The following AP3B1 variants were observed in gnomAD, a reference collection of about 807,000 sequenced individuals.
AP3B1 encodes AP-3 complex subunit beta-1.
In AP3B1, 61 loss-of-function variants were observed where a neutral mutation model predicts 132.5. The observed-to-expected ratio is 0.46, with a 90% CI of 0.37 to 0.57. The LOEUF (loss-of-function observed/expected upper bound fraction) is 0.57, where lower values mean the gene tolerates loss of function less well. Ranked by LOEUF, AP3B1 falls within the 20% of genes least tolerant of loss-of-function variation. The pLI, the probability that AP3B1 is intolerant of heterozygous loss-of-function variation, is 0.00. For synonymous variants in AP3B1, 388 were observed against 438.3 expected, an observed-to-expected ratio of 0.89 and a Z score of 1.43; for missense variants, 1,120 against 1,289.4, an observed-to-expected ratio of 0.87 and a Z score of 2.01.
intron 17 of AP3B1, among the ~76,000 whole-genome samples, chr5:78,120,639 C>G (rs1392273558): frequency 6.6e-6 from 1 of 151,864 alleles, no homozygotes; most frequent in East Asian, 1.9e-4. Flanking sequence ...ACAAGAAGAG[C>G]TAACTATCCT....
intron 6 of AP3B1, among the ~76,000 whole-genome samples, chr5:78,219,412 G>T (rs1265653668): frequency 1.3e-5 from 2 of 152,016 alleles, no homozygotes; most frequent in East Asian, 1.9e-4. Context: ...ATTAGAAAAG[G>T]CTTGTAGTAA....
chr5:78,265,794 C>T (rs1308524756), intron 2 of AP3B1, among the ~76,000 whole-genome samples: 5 of 152,312 alleles, frequency 3.3e-5, no homozygotes, highest in Non-Finnish European at 7.3e-5. Context: ...CTCTTAAAAA[C>T]GTGTAATGTC....
intron 7 of AP3B1, among the ~76,000 whole-genome samples, chr5:78,213,893 C>T (rs1451468393): frequency 1.3e-5 from 2 of 152,154 alleles, no homozygotes; most frequent in Non-Finnish European, 2.9e-5. Flanking sequence ...GCCAATGGAT[C>T]TTTCTCAAAG....
At chr5:78,230,005 A>C (rs1746576460) in intron 3 of AP3B1, among the ~76,000 whole-genome samples, 1 of 152,060 alleles carries the variant, frequency 6.6e-6, no homozygotes, top group East Asian at 1.9e-4. Context: ...AACTCACTCC[A>C]ATTTTTTTCA....
chr5:78,243,671 C>T (rs1186145870), intron 2 of AP3B1, among the ~76,000 whole-genome samples: 6 of 152,086 alleles, frequency 3.9e-5, no homozygotes. Flanking sequence ...TCAGAAAAGG[C>T]CTTCCTTTTG....
chr5:78,091,167 G>A (rs394902), intron 21 of AP3B1, among the ~76,000 whole-genome samples: 26,050 of 149,694 alleles, frequency 0.17, 2,839 homozygotes, highest in Admixed American at 0.28. Context: ...ATATTAATCC[G>A]TAAAGTTAAC....
intron 1 of AP3B1, among the ~76,000 whole-genome samples, chr5:78,294,091 A>G (rs1429647387): frequency 1.3e-5 from 2 of 152,184 alleles, no homozygotes; most frequent in Non-Finnish European, 2.9e-5. Flanking sequence ...AATGTATTAA[A>G]GTCTGATCCG....
intron 23 of AP3B1, 100 bp downstream of exon 23, chr5:78,038,943 T>C (rs1747926167): frequency 1.4e-6 from 1 of 729,142 alleles, no homozygotes; most frequent in Non-Finnish European, 2.3e-6. Flanking sequence ...AATCATATTC[T>C]ACTTTACTAT....
intron 13 of AP3B1, among the ~76,000 whole-genome samples, chr5:78,157,707 A>T (rs111659324): frequency 2.0e-5 from 3 of 152,150 alleles, no homozygotes; most frequent in African/African-American, 7.2e-5. Context: ...TACACTACAA[A>T]GGTTTATTTT....
At chr5:78,012,656 A>G (rs1280803957) in intron 26 of AP3B1, among the ~76,000 whole-genome samples, 1 of 152,232 alleles carries the variant, frequency 6.6e-6, no homozygotes, top group African/African-American at 2.4e-5. Flanking sequence ...ACCCTGTAGT[A>G]ACTTGGGCCC....
chr5:78,119,857 T>C (rs948236492), intron 17 of AP3B1, among the ~76,000 whole-genome samples: 12 of 152,152 alleles, frequency 7.9e-5, no homozygotes, highest in Admixed American at 7.2e-4. Context: ...AAGATACTCC[T>C]TGAGAAGAGC....
chr5:78,118,752 G>C (rs541370753), intron 17 of AP3B1, among the ~76,000 whole-genome samples: 1 of 151,664 alleles, frequency 6.6e-6, no homozygotes, highest in Admixed American at 6.6e-5. Flanking sequence ...TGGGGCCAGG[G>C]CACAGACAAA....
intron 3 of AP3B1, among the ~76,000 whole-genome samples, chr5:78,233,354 C>A (rs1266674312): frequency 6.6e-6 from 1 of 151,958 alleles, no homozygotes; most frequent in African/African-American, 2.4e-5. Context: ...CTGTCTCAAC[C>A]TCCAGAGTAG....
rs186813020 is a variant in AP3B1, at chr5:78,067,932, C to A, written c.2577+21461G>T. Among the ~76,000 whole-genome samples, 7 of 148,238 alleles carry A rather than the reference C, an allele frequency of 4.7e-5. No homozygotes were observed. The East Asian group carries it at 1.4e-3, about 29-fold the overall frequency. On this transcript the variant is annotated intron_variant, in intron 22 of 26. Transcript: ENST00000255194. ...AAGATCAGAGCAGAATTGAAGGAGA[C>A]AGACACATGAAAAACCCTTCGAAAA...
chr5:78,088,111 C>T (rs1580329514), intron 22 of AP3B1, among the ~76,000 whole-genome samples: 1 of 152,294 alleles, frequency 6.6e-6, no homozygotes, highest in East Asian at 1.9e-4. Context: ...TTTTAGGGAC[C>T]TCCTGTTCCA....
At chr5:78,156,185 G>A in intron 14 of AP3B1, 73 bp downstream of exon 14, 1 of 1,077,850 alleles carries the variant, frequency 9.3e-7, no homozygotes, top group Non-Finnish European at 1.4e-6. Context: ...TACCCTTTAG[G>A]CTGACCATTT....
At chr5:78,227,336 C>G (rs1746438338) in intron 5 of AP3B1, 36 bp downstream of exon 5, 1 of 1,600,370 alleles carries the variant, frequency 6.2e-7, no homozygotes, top group African/African-American at 1.3e-5. Context: ...CATGTAACAT[C>G]AGAGATCTTT....
chr5:78,278,210 C>T (rs1261208891), intron 1 of AP3B1, among the ~76,000 whole-genome samples: 1 of 152,172 alleles, frequency 6.6e-6, no homozygotes, highest in African/African-American at 2.4e-5. Context: ...TAAACTATGT[C>T]AGTGGCTCTA....
chr5:78,193,770 A>ATTTT lies in AP3B1; in HGVS notation c.787-12112_787-12109dup, dbSNP rs35190275. ...TATATATATATATATATATATATAT[A>ATTTT]TTTTTTTTTTAGACAGAGTCTCGCT... On this transcript the variant is annotated intron_variant, in intron 7 of 26. Transcript: ENST00000255194. Among the ~76,000 whole-genome samples, 415 of 67,186 alleles carry ATTTT rather than the reference A, an allele frequency of 6.2e-3. 10 individuals carry two copies. The highest frequency in any genetic ancestry group is 0.021 in the African/African-American group (403 of 19,190). The allele number at this position is 67,186 out of a possible 152,430, so 44.1% of individuals were successfully genotyped here.
Sources: gnomAD v4.1 joint callset for allele counts (sites outside exome capture counted in the v4.1 genomes callset) on GRCh38, gnomAD v4.1.1 for gene constraint, MANE v1.5 for transcripts, NCBI Gene and HGNC (gene_info 2026-07-23, HGNC 2026-07-21) for gene names.